The following GLIS3 variants were observed in gnomAD, a reference collection of about 807,000 sequenced individuals.
GLIS3 encodes GLIS family zinc finger 3.
In GLIS3, 53 loss-of-function variants were observed where a neutral mutation model predicts 78.6. The ratio of observed to expected loss-of-function variants is 0.67; its 90% CI spans 0.54 to 0.85. The LOEUF is 0.85. GLIS3 is among the 40% of genes least tolerant of loss of function. The probability of loss-of-function intolerance (pLI) is 0.00; values close to 1 mark genes in which losing one functional copy is unlikely to be tolerated. For missense variants in GLIS3, 1,703 were observed against 1,231.1 expected, an observed-to-expected ratio of 1.38 and a Z score of -5.74; for synonymous variants, 684 against 509.9, an observed-to-expected ratio of 1.34 and a Z score of -4.60.
intron 2 of GLIS3, among the ~76,000 whole-genome samples, chr9:4,279,358 CACACAT>C (rs1302572653): frequency 3.5e-3 from 176 of 50,036 alleles, no homozygotes; most frequent in African/African-American, 9.6e-3. Flanking sequence ...CACACACACA[CACACAT>C]AATACATATT....
chr9:4,280,273 G>A (rs554583646), intron 2 of GLIS3, among the ~76,000 whole-genome samples: 1 of 152,208 alleles, frequency 6.6e-6, no homozygotes, highest in Non-Finnish European at 1.5e-5. Context: ...TCCGCCCACC[G>A]TGGCATCCCA....
At chr9:3,939,500 T>C (rs140501986) in intron 4 of GLIS3, among the ~76,000 whole-genome samples, 457 of 152,332 alleles carry the variant, frequency 3.0e-3, no homozygotes, top group African/African-American at 0.011. Context: ...AAAGGGCTTA[T>C]TGCATTCCAA....
At chr9:4,436,772 C>T in the GLIS3 span, among the ~76,000 whole-genome samples, 2 of 124,370 alleles carry the variant, frequency 1.6e-5, no homozygotes, top group African/African-American at 6.3e-5. Context: ...CACCATTGGC[C>T]ATTGCACTCC....
chr9:4,146,773 G>C (rs1834256190), intron 2 of GLIS3, among the ~76,000 whole-genome samples: 1 of 152,088 alleles, frequency 6.6e-6, no homozygotes, highest in African/African-American at 2.4e-5. Context: ...GCAAGAATTA[G>C]CCTACTAATA....
intron 6 of GLIS3, among the ~76,000 whole-genome samples, chr9:3,921,108 T>C (rs937311028): frequency 6.6e-6 from 1 of 152,204 alleles, no homozygotes; most frequent in Non-Finnish European, 1.5e-5. Flanking sequence ...TTATGCACAG[T>C]GGTGTCATGC....
intron 4 of GLIS3, among the ~76,000 whole-genome samples, chr9:3,965,738 G>A (rs1188917524): frequency 6.6e-6 from 1 of 152,184 alleles, no homozygotes; most frequent in Non-Finnish European, 1.5e-5. Flanking sequence ...ATTCAGCAAA[G>A]ACAAGCTGCA....
intron 4 of GLIS3, among the ~76,000 whole-genome samples, chr9:4,084,205 G>C (rs1224856152): frequency 6.6e-6 from 1 of 151,570 alleles, no homozygotes; most frequent in East Asian, 1.9e-4. Context: ...CAACAGCAGA[G>C]TGATATGATG....
At chr9:4,005,252 T>C (rs1299758372) in intron 4 of GLIS3, among the ~76,000 whole-genome samples, 1 of 152,228 alleles carries the variant, frequency 6.6e-6, no homozygotes, top group Non-Finnish European at 1.5e-5. Context: ...ATTTGAAATG[T>C]GCATACTCTT....
chr9:4,473,933 C>T, the GLIS3 span, among the ~76,000 whole-genome samples: 10 of 151,852 alleles, frequency 6.6e-5, no homozygotes, highest in Non-Finnish European at 1.5e-4. Flanking sequence ...CTAAAAAAGA[C>T]CTAAATAAAT....
chr9:4,431,871 A>C, the GLIS3 span, among the ~76,000 whole-genome samples: 2 of 150,890 alleles, frequency 1.3e-5, no homozygotes, highest in African/African-American at 4.9e-5. Context: ...AAAGCCATAT[A>C]GTAAGTATTT....
chr9:4,152,876 G>A (rs146422379), intron 2 of GLIS3, among the ~76,000 whole-genome samples: 2 of 152,154 alleles, frequency 1.3e-5, no homozygotes, highest in African/African-American at 2.4e-5. Context: ...ACATAGATAT[G>A]TAAATGTTTC....
chr9:3,951,596 A>T (rs955555156), intron 4 of GLIS3, among the ~76,000 whole-genome samples: 2 of 151,918 alleles, frequency 1.3e-5, no homozygotes, highest in African/African-American at 2.4e-5. Context: ...TATATTTATA[A>T]GAAAAAATAA....
chr9:4,476,705 T>G, the GLIS3 span, among the ~76,000 whole-genome samples: 1 of 152,122 alleles, frequency 6.6e-6, no homozygotes, highest in Non-Finnish European at 1.5e-5. Context: ...TGTTTTTTTT[T>G]TAACTATTAT....
At chr9:4,347,918 C>G (rs772622468) in intron 1 of GLIS3, among the ~76,000 whole-genome samples, 6 of 152,196 alleles carry the variant, frequency 3.9e-5, no homozygotes, top group Non-Finnish European at 8.8e-5. Flanking sequence ...TTTAGCCACA[C>G]ATTTAGGATA....
At chr9:4,454,893 T>C in the GLIS3 span, among the ~76,000 whole-genome samples, 1 of 152,338 alleles carries the variant, frequency 6.6e-6, no homozygotes, top group Non-Finnish European at 1.5e-5. Flanking sequence ...TCTAGAATTG[T>C]ACACACACTC....
chr9:4,122,717 G>C (rs1437235836), intron 3 of GLIS3, among the ~76,000 whole-genome samples: 5 of 152,196 alleles, frequency 3.3e-5, no homozygotes, highest in African/African-American at 1.2e-4. Context: ...AGCTAAGTAT[G>C]CTACCAAAGC....
At chr9:4,139,221 G>C (rs1833624685) in intron 2 of GLIS3, among the ~76,000 whole-genome samples, 2 of 152,170 alleles carry the variant, frequency 1.3e-5, no homozygotes, top group African/African-American at 2.4e-5. Context: ...CCAAACAAAA[G>C]CAGAGGCTGG....
intron 4 of GLIS3, among the ~76,000 whole-genome samples, chr9:4,059,768 C>A (rs150370610): frequency 1.8e-3 from 264 of 145,628 alleles, no homozygotes; most frequent in African/African-American, 6.1e-3. Context: ...TCAGCTTGTT[C>A]TCTCCTGAAA....
At chr9:4,291,597 A>G (rs1815984246) in intron 1 of GLIS3, among the ~76,000 whole-genome samples, 1 of 152,112 alleles carries the variant, frequency 6.6e-6, no homozygotes, top group Non-Finnish European at 1.5e-5. Flanking sequence ...AGAAGAAAGA[A>G]AGGAGAGAAA....
Sources: allele counts gnomAD v4.1 joint callset (sites outside exome capture counted in the v4.1 genomes callset), GRCh38; gene constraint gnomAD v4.1.1; transcripts MANE v1.5; gene names NCBI Gene and HGNC (gene_info 2026-07-23, HGNC 2026-07-21).